The following DPYD variants were observed in gnomAD, a reference collection of about 807,000 sequenced individuals.
DPYD encodes dihydropyrimidine dehydrogenase [NADP(+)].
Under a neutral mutation model 116.2 loss-of-function variants are expected in DPYD, and 109 were observed. That is an observed-to-expected ratio of 0.94 (90% CI 0.80 to 1.10). The LOEUF is 1.10. DPYD is among the 50% of genes least tolerant of loss of function. The pLI, the probability that DPYD is intolerant of heterozygous loss-of-function variation, is 0.00. For missense variants in DPYD, 1,302 were observed against 1,254.5 expected (o/e 1.04, Z -0.57); for synonymous variants, 440 against 432.0 (o/e 1.02, Z -0.23).
chr1:97,915,118 G>A (rs967171518), intron 1 of DPYD, among the ~76,000 whole-genome samples: 4 of 152,088 alleles, frequency 2.6e-5, no homozygotes, highest in Admixed American at 6.5e-5. Flanking sequence ...AATCCTTATA[G>A]CTATTGCATG....
rs1434412938 is a variant in DPYD at position 97,345,449 on chromosome 1, AAAGT to A, written c.2058+28108_2058+28111del. Among the ~76,000 whole-genome samples the A allele has an allele frequency of 3.3e-5, 5 of 152,118 alleles. No homozygotes were observed. The East Asian group carries it at 7.7e-4, about 23-fold the overall frequency. ...CTTTTTAAACTTTGTGATCAAAACA[AAAGT>A]AAGAAAACATTGAAATCCTTTCACC... is the stretch of plus-strand genomic sequence containing the variant. On this transcript the variant is annotated intron_variant, in intron 16 of 22. Coordinates refer to ENST00000370192, the MANE Select transcript of DPYD (RefSeq NM_000110.4).
intron 18 of DPYD, among the ~76,000 whole-genome samples, chr1:97,275,595 T>C (rs1453393918): frequency 6.6e-6 from 1 of 152,200 alleles, no homozygotes; most frequent in Non-Finnish European, 1.5e-5. Flanking sequence ...TTTAGAAATT[T>C]TGAAATTTCT....
At chr1:97,688,116 A>C (rs903059358) in intron 7 of DPYD, among the ~76,000 whole-genome samples, 1 of 152,226 alleles carries the variant, frequency 6.6e-6, no homozygotes, top group Non-Finnish European at 1.5e-5. Flanking sequence ...CTGCACGTGC[A>C]TCCTGGAACG....
intron 16 of DPYD, chr1:97,308,296 G>C (rs1236234232): frequency 9.9e-5 from 15 of 151,360 alleles, no homozygotes; most frequent in Admixed American, 9.9e-4. Context: ...TCTCTATTTT[G>C]AGATACCATA....
intron 3 of DPYD, among the ~76,000 whole-genome samples, chr1:97,814,927 AG>A (rs1668508081): frequency 1.1e-4 from 2 of 18,232 alleles, no homozygotes; most frequent in Non-Finnish European, 2.2e-4. Flanking sequence ...AAAAAGAAAG[AG>A]AGAGGAAAGA....
intron 11 of DPYD, among the ~76,000 whole-genome samples, chr1:97,564,123 C>T (rs185389985): frequency 4.6e-5 from 7 of 152,220 alleles, no homozygotes; most frequent in African/African-American, 1.4e-4. Flanking sequence ...TTCATCATTT[C>T]GCAATCGGTA....
intron 4 of DPYD, among the ~76,000 whole-genome samples, chr1:97,729,709 T>A (rs1663480608): frequency 6.6e-6 from 1 of 152,044 alleles, no homozygotes; most frequent in Admixed American, 6.6e-5. Context: ...AAATTTTAAG[T>A]CACTTCTATT....
chr1:97,510,961 C>T (rs536760226), intron 13 of DPYD, among the ~76,000 whole-genome samples: 3 of 151,784 alleles, frequency 2.0e-5, no homozygotes, highest in Non-Finnish European at 4.4e-5. Flanking sequence ...CAGCCATCTC[C>T]GCAATTATAG....
chr1:97,802,924 C>T (rs1667914856), intron 3 of DPYD, among the ~76,000 whole-genome samples: 1 of 151,728 alleles, frequency 6.6e-6, no homozygotes, highest in Admixed American at 6.6e-5. Flanking sequence ...ACTGAACTGG[C>T]AAGAAACAGA....
intron 13 of DPYD, among the ~76,000 whole-genome samples, chr1:97,488,463 T>A (rs1347568545): frequency 2.0e-5 from 3 of 152,200 alleles, no homozygotes; most frequent in Admixed American, 6.5e-5. Context: ...GAAATCTTCA[T>A]AAGATTGGCA....
chr1:97,311,721 A>G (rs925574629), intron 16 of DPYD, among the ~76,000 whole-genome samples: 5 of 151,982 alleles, frequency 3.3e-5, no homozygotes, highest in Admixed American at 3.3e-4. Context: ...GAGTAAAATG[A>G]AAAATAAATG....
At chr1:97,475,145 T>G (rs1284810094) in intron 13 of DPYD, among the ~76,000 whole-genome samples, 1 of 152,160 alleles carries the variant, frequency 6.6e-6, no homozygotes, top group Non-Finnish European at 1.5e-5. Flanking sequence ...TTGTGGGCAT[T>G]CATTCATGTT....
At chr1:97,576,801 C>T (rs901123115) in intron 10 of DPYD, among the ~76,000 whole-genome samples, 1 of 152,114 alleles carries the variant, frequency 6.6e-6, no homozygotes, top group East Asian at 1.9e-4. Flanking sequence ...AGCACTGGAC[C>T]CCACAGAGAT....
intron 20 of DPYD, among the ~76,000 whole-genome samples, chr1:97,103,065 A>T (rs1557864244): frequency 6.6e-6 from 1 of 152,080 alleles, no homozygotes; most frequent in Non-Finnish European, 1.5e-5. Flanking sequence ...CTGTTTCATT[A>T]TCTATAAAAT....
chr1:97,856,893 C>T (rs1670872687), intron 2 of DPYD: 2 of 152,248 alleles, frequency 1.3e-5, no homozygotes, highest in South Asian at 4.1e-4. Context: ...GCTCAACTCT[C>T]CCACTGATGT....
Position 97,578,727 on chromosome 1 carries a change from G to A in DPYD, c.1129-4757C>T, listed in dbSNP as rs72732335. 4.6e-3 allele frequency among the ~76,000 whole-genome samples: 698 copies of A among 152,270 alleles called. 10 individuals are homozygous for A. The highest frequency in any genetic ancestry group is 0.016 in the African/African-American group (653 of 41,554). ...AGCTAAAGTGAAAGGTGAAGGGCTT[G>A]GCTAGACATAGTTCCCTTTGTGGGA... On this transcript the variant is annotated intron_variant, in intron 10 of 22. Coordinates refer to ENST00000370192, the MANE Select transcript of DPYD (RefSeq NM_000110.4).
intron 14 of DPYD, among the ~76,000 whole-genome samples, chr1:97,435,093 A>G (rs550022248): frequency 3.4e-4 from 51 of 152,116 alleles, no homozygotes; most frequent in African/African-American, 1.1e-3. Flanking sequence ...TTTGGGGAAA[A>G]GGCTCATTGC....
chr1:97,772,794 G>C (rs1666210796), intron 3 of DPYD, among the ~76,000 whole-genome samples: 1 of 152,084 alleles, frequency 6.6e-6, no homozygotes. Context: ...TGCTGAAGGA[G>C]GTAAACTAGT....
intron 16 of DPYD, among the ~76,000 whole-genome samples, chr1:97,316,513 C>A (rs1265560567): frequency 4.0e-5 from 5 of 124,272 alleles, no homozygotes; most frequent in Admixed American, 8.8e-5. Context: ...GACTCTGTCT[C>A]AATAAAATAA....
Sources: allele counts gnomAD v4.1 joint callset (sites outside exome capture counted in the v4.1 genomes callset), GRCh38; gene constraint gnomAD v4.1.1; transcripts MANE v1.5; gene names NCBI Gene and HGNC (gene_info 2026-07-23, HGNC 2026-07-21).